Variants in GALC observed in about 807,000 individuals in gnomAD.
GALC encodes galactocerebrosidase.
Under a neutral mutation model 91.8 loss-of-function variants are expected in GALC, and 77 were observed. The observed-to-expected ratio is 0.84, with a 90% confidence interval of 0.70 to 1.01. GALC has a LOEUF of 1.01. Among genes scored for constraint, GALC ranks in the 50% least tolerant of loss-of-function variants. The pLI, the probability that GALC is intolerant of heterozygous loss-of-function variation, is 0.00. For missense variants in GALC, 882 were observed against 855.9 expected, an observed-to-expected ratio of 1.03 and a Z score of -0.38; for synonymous variants, 357 against 306.7, an observed-to-expected ratio of 1.16 and a Z score of -1.71.
intron 16 of GALC, among the ~76,000 whole-genome samples, chr14:87,939,333 A>G (rs1173469218): frequency 9.9e-6 from 1 of 100,738 alleles, no homozygotes; most frequent in Non-Finnish European, 2.1e-5. Flanking sequence ...ATCTTGGGAG[A>G]GACCAACACA....
chr14:87,954,658 A>G lies in GALC; in HGVS notation c.1162-3910T>C, dbSNP rs1885446452. 1.9e-6 allele frequency: 3 copies of G among 1,574,500 alleles called. No homozygotes were observed. The Admixed American group carries it at 5.0e-5, about 26-fold the overall frequency. On this transcript the variant is annotated intron_variant, in intron 10 of 16. Coordinates refer to ENST00000261304, the MANE Select transcript of GALC (RefSeq NM_000153.4). ...CCCACCTAGAGGATAAATGTTCAGG[A>G]GTGGTTCTAATTAAAGCCCAGATTT...
At chr14:87,988,260 A>G in intron 2 of GALC, 53 bp from the exon 3 acceptor site, 1 of 1,510,672 alleles carries the variant, frequency 6.6e-7, no homozygotes, top group Non-Finnish European at 9.2e-7. Flanking sequence ...TGAAGCTTCA[A>G]GACAATTACT....
intron 7 of GALC, among the ~76,000 whole-genome samples, chr14:87,972,339 G>A (rs1886325782): frequency 6.6e-6 from 1 of 152,128 alleles, no homozygotes; most frequent in Non-Finnish European, 1.5e-5. Context: ...AGTCCATGGT[G>A]TCAGAGGTCA....
At chr14:87,981,489 C>T (rs1886746286) in intron 6 of GALC, 1 of 187,570 alleles carries the variant, frequency 5.3e-6, no homozygotes. Context: ...TTTTTGAAAA[C>T]TTGAAATAAA....
At chr14:87,986,677 C>T in intron 3 of GALC, 75 bp from the exon 4 acceptor site, 1 of 818,576 alleles carries the variant, frequency 1.2e-6, no homozygotes, top group Non-Finnish European at 2.1e-6. Flanking sequence ...CTCCCCACCC[C>T]CACCCCAGAC....
intron 4 of GALC, among the ~76,000 whole-genome samples, chr14:87,984,967 T>C (rs1034609561): frequency 4.6e-5 from 7 of 152,224 alleles, no homozygotes; most frequent in African/African-American, 1.7e-4. Flanking sequence ...AACACAAATT[T>C]ATCATTCAAT....
intron 8 of GALC, among the ~76,000 whole-genome samples, chr14:87,967,846 T>C (rs994752121): frequency 2.0e-5 from 3 of 152,160 alleles, no homozygotes; most frequent in Non-Finnish European, 4.4e-5. Flanking sequence ...TGTGTGTGCT[T>C]GACTATTCCT....
chr14:87,954,168 G>A, intron 10 of GALC: 3 of 1,596,158 alleles, frequency 1.9e-6, no homozygotes, highest in Non-Finnish European at 1.7e-6. Flanking sequence ...ACTGGCACAG[G>A]TGTCCTCAAA....
chr14:87,949,855 T>G lies in GALC; in HGVS notation c.1328A>C (p.Asp443Ala), dbSNP rs1198581093. Residue 443 changes from aspartate (D) to alanine (A), a missense_variant, in exon 12 of 17, where the codon GAT (aspartate) becomes GCT (alanine). Coordinates refer to ENST00000261304, the MANE Select transcript of GALC (RefSeq NM_000153.4). Reference protein sequence around the residue: ...TSERFLFKQLDSLWLLDSDGS... With the variant: ...TSERFLFKQLASLWLLDSDGS... ...TTACTTTAAAATTACCCATAGAGAA[T>G]CCAGCTGCTTAAAAAGAAATCTTTC... 4 of 1,566,282 alleles carry G rather than the reference T, an allele frequency of 2.6e-6. No individual in the cohort carries two copies. The highest frequency in any genetic ancestry group is 1.7e-5 in the Admixed American group (1 of 59,802).
chr14:87,949,730 A>ATC, intron 12 of GALC, 115 bp downstream of exon 12: 3 of 644,236 alleles, frequency 4.7e-6, no homozygotes, highest in Non-Finnish European at 8.4e-6. Flanking sequence ...AGCTAAACAC[A>ATC]TCTATAAACA....
At chr14:87,956,887 G>A (rs989177192) in intron 10 of GALC, among the ~76,000 whole-genome samples, 3 of 151,918 alleles carry the variant, frequency 2.0e-5, no homozygotes, top group Non-Finnish European at 1.5e-5. Context: ...CACCAGCAGT[G>A]GATAAGCATT....
intron 7 of GALC, among the ~76,000 whole-genome samples, chr14:87,973,485 T>C (rs1886376881): frequency 6.6e-6 from 1 of 152,126 alleles, no homozygotes; most frequent in Admixed American, 6.6e-5. Context: ...TGCAGATTAT[T>C]TGGGAGTAAA....
chr14:87,982,778 TG>T (rs1886803817), intron 5 of GALC, among the ~76,000 whole-genome samples: 1 of 152,222 alleles, frequency 6.6e-6, no homozygotes, highest in African/African-American at 2.4e-5. Context: ...TCATGAAGCA[TG>T]GGGTTTTAGA....
intron 7 of GALC, among the ~76,000 whole-genome samples, chr14:87,970,246 T>C (rs1396417054): frequency 6.6e-6 from 1 of 152,174 alleles, no homozygotes. Flanking sequence ...TTGGTGTATT[T>C]GGTTAAAATA....
At chr14:87,955,735 T>C (rs1415406782) in intron 10 of GALC, among the ~76,000 whole-genome samples, 1 of 152,128 alleles carries the variant, frequency 6.6e-6, no homozygotes, top group Admixed American at 6.6e-5. Context: ...TTTCAATTTA[T>C]TAAAGCGGGG....
rs774098253 is a variant in GALC at position 87,982,206 on chromosome 14, TTAATA to T, written c.615_619del (p.Tyr205Ter). The T allele has an allele frequency of 1.3e-6, 2 of 1,547,716 alleles. No homozygotes were observed. Among genetic ancestry groups the T allele is most frequent in the Admixed American group, 1.7e-5 (1 of 59,592 alleles). On this transcript the variant is annotated stop_gained and frameshift_variant and splice_region_variant, in exon 6 of 17. Transcript: ENST00000261304. LOFTEE classifies it high-confidence loss of function. The stretch of plus-strand genomic sequence containing the variant: ...AAAAGATACTAAAGTTGTACACACC[TTAATA>T]TAATTGGCATTATATGACCTCTCAT...
intron 3 of GALC, among the ~76,000 whole-genome samples, chr14:87,987,287 C>T (rs1157187179): frequency 6.6e-6 from 1 of 152,158 alleles, no homozygotes; most frequent in Non-Finnish European, 1.5e-5. Context: ...TAAAGGTAAA[C>T]ATCAGAATTC....
intron 10 of GALC, chr14:87,952,392 G>GT: frequency 2.6e-6 from 1 of 381,378 alleles, no homozygotes; most frequent in Non-Finnish European, 4.9e-6. Flanking sequence ...GCATAGAGAG[G>GT]TTTAAGACTA....
intron 16 of GALC, among the ~76,000 whole-genome samples, chr14:87,938,987 T>C (rs2139935507): frequency 6.6e-6 from 1 of 151,948 alleles, no homozygotes; most frequent in South Asian, 2.1e-4. Flanking sequence ...AACAGGCAAC[T>C]TCAGAGAAGA....
Sources: allele counts gnomAD v4.1 joint callset (sites outside exome capture counted in the v4.1 genomes callset), GRCh38; gene constraint gnomAD v4.1.1; transcripts MANE v1.5; gene names NCBI Gene and HGNC (gene_info 2026-07-23, HGNC 2026-07-21).